The following GTF2E2 variants were observed in gnomAD, a reference collection of about 807,000 sequenced individuals.
GTF2E2 encodes transcription initiation factor IIE subunit beta.
GTF2E2 carries 21 observed loss-of-function variants against 40.5 expected under a neutral mutation model. The ratio of observed to expected loss-of-function variants is 0.52; its 90% CI spans 0.37 to 0.75. The LOEUF is 0.75. Ranked by LOEUF, GTF2E2 falls within the 30% of genes least tolerant of loss-of-function variation. GTF2E2 has a pLI of 0.00. For synonymous variants in GTF2E2, 117 were observed against 121.6 expected, an observed-to-expected ratio of 0.96 and a Z score of 0.25; for missense variants, 298 against 338.4, an observed-to-expected ratio of 0.88 and a Z score of 0.94.
At chr8:30,634,277 G>A (rs891736403) in intron 3 of GTF2E2, among the ~76,000 whole-genome samples, 8 of 151,952 alleles carry the variant, frequency 5.3e-5, no homozygotes, top group African/African-American at 7.2e-5. Context: ...GTGAGACTTC[G>A]TCTCTTCTAA....
At chr8:30,626,858 C>T (rs971828425) in intron 3 of GTF2E2, among the ~76,000 whole-genome samples, 1 of 152,172 alleles carries the variant, frequency 6.6e-6, no homozygotes, top group Non-Finnish European at 1.5e-5. Context: ...TTTATGACTC[C>T]AGCAAAAGTG....
Position 30,613,848 on chromosome 8 carries a change from C to T in GTF2E2, c.366+760G>A, listed in dbSNP as rs948838491. On this transcript the variant is annotated intron_variant, in intron 4 of 7. Transcript: ENST00000355904. Reference sequence around the variant, plus strand: ...CGGTAAACATTTGAATTTTTAAATGCTATTCATTTCCAAATTAGCATGGTC... The same window carrying T: ...CGGTAAACATTTGAATTTTTAAATGTTATTCATTTCCAAATTAGCATGGTC... 3.3e-5 allele frequency among the ~76,000 whole-genome samples: 5 copies of T among 152,152 alleles called. No homozygotes were observed. In the South Asian group the frequency reaches 8.3e-4, roughly 25 times the overall value.
intron 3 of GTF2E2, among the ~76,000 whole-genome samples, chr8:30,629,100 A>T (rs1047049746): frequency 5.5e-4 from 83 of 152,202 alleles, no homozygotes; most frequent in Non-Finnish European, 1.0e-3. Context: ...CTATGGACAT[A>T]TATATTCATA....
chr8:30,601,593 A>C (rs1829182914), intron 6 of GTF2E2, among the ~76,000 whole-genome samples: 2 of 152,224 alleles, frequency 1.3e-5, no homozygotes, highest in South Asian at 4.1e-4. Context: ...CAAGGTCGAA[A>C]GCCCTGCTTA....
intron 1 of GTF2E2, among the ~76,000 whole-genome samples, chr8:30,654,220 T>C (rs1586014802): frequency 6.6e-6 from 1 of 152,194 alleles, no homozygotes; most frequent in Admixed American, 6.5e-5. Flanking sequence ...CTAGTTAAAA[T>C]TGAGATGGAC....
At chr8:30,586,196 T>C (rs533749693) in intron 6 of GTF2E2, among the ~76,000 whole-genome samples, 11 of 152,338 alleles carry the variant, frequency 7.2e-5, no homozygotes, top group African/African-American at 2.6e-4. Flanking sequence ...AAAAGTGTCA[T>C]TATATCCACT....
intron 3 of GTF2E2, among the ~76,000 whole-genome samples, chr8:30,630,760 C>T (rs926115991): frequency 6.6e-6 from 1 of 152,108 alleles, no homozygotes; most frequent in Non-Finnish European, 1.5e-5. Flanking sequence ...ACTGAGGTGC[C>T]GTAAACTATC....
intron 3 of GTF2E2, among the ~76,000 whole-genome samples, chr8:30,620,247 CACACACACACAA>C (rs1801050643): frequency 6.6e-6 from 1 of 151,540 alleles, no homozygotes; most frequent in African/African-American, 2.4e-5. Context: ...CAAACACACA[CACACACACACAA>C]ACACACACAC....
intron 3 of GTF2E2, among the ~76,000 whole-genome samples, chr8:30,628,326 C>T (rs1278344665): frequency 6.6e-6 from 1 of 152,058 alleles, no homozygotes; most frequent in Non-Finnish European, 1.5e-5. Context: ...GAGATCCTTC[C>T]TGGGGAGTAG....
At chr8:30,581,434 C>T (rs1164343513) in intron 6 of GTF2E2, among the ~76,000 whole-genome samples, 1 of 152,164 alleles carries the variant, frequency 6.6e-6, no homozygotes, top group Admixed American at 6.5e-5. Flanking sequence ...TTCCCCCTTT[C>T]TCTCTCATTT....
chr8:30,651,040 A>C (rs977548155), intron 2 of GTF2E2, among the ~76,000 whole-genome samples: 3 of 151,950 alleles, frequency 2.0e-5, no homozygotes, highest in African/African-American at 4.8e-5. Context: ...CCTCTCAACA[A>C]ACTAGAAATA....
chr8:30,598,074 T>C (rs568868096), intron 6 of GTF2E2, among the ~76,000 whole-genome samples: 3 of 152,350 alleles, frequency 2.0e-5, no homozygotes, highest in South Asian at 2.1e-4. Context: ...GAAAACTGTA[T>C]CCATTTCTTT....
At chr8:30,583,386 T>C (rs898173082) in intron 6 of GTF2E2, among the ~76,000 whole-genome samples, 3 of 128,776 alleles carry the variant, frequency 2.3e-5, no homozygotes, top group African/African-American at 1.5e-4. Flanking sequence ...TTCAGTTCAC[T>C]GTTTGTTTGT....
At chr8:30,593,152 T>C (rs550807841) in intron 6 of GTF2E2, among the ~76,000 whole-genome samples, 230 of 152,180 alleles carry the variant, frequency 1.5e-3, no homozygotes, top group Middle Eastern at 3.4e-3. Context: ...GATCACACCA[T>C]TGCACTCCAA....
At chr8:30,600,240 C>T (rs149873090) in intron 6 of GTF2E2, among the ~76,000 whole-genome samples, 1,667 of 152,310 alleles carry the variant, frequency 0.011, 18 homozygotes, top group Non-Finnish European at 0.017. Flanking sequence ...GCTTTCTTTG[C>T]TATCTGTTTA....
chr8:30,633,531 T>C (rs1193218402), intron 3 of GTF2E2, among the ~76,000 whole-genome samples: 1 of 152,210 alleles, frequency 6.6e-6, no homozygotes, highest in African/African-American at 2.4e-5. Flanking sequence ...CTTAAATATG[T>C]ACAAAGGGGT....
chr8:30,655,257 T>C (rs1802416897), intron 1 of GTF2E2, among the ~76,000 whole-genome samples: 2 of 151,414 alleles, frequency 1.3e-5, no homozygotes, highest in African/African-American at 4.9e-5. Context: ...TTGAGGCAAC[T>C]TCTATGTTGT....
rs551711338 is a variant in GTF2E2 at position 30,590,728 on chromosome 8, T to C, written c.644-10332A>G. Among the ~76,000 whole-genome samples the C allele has an allele frequency of 4.6e-5, 7 of 151,928 alleles. No homozygotes were observed. The East Asian group carries it at 1.4e-3, about 29-fold the overall frequency. ...TTTTTTGAGACAGAGTTGCACTCTG[T>C]CACCCAGGCTGGAGTGCAGTGGCGC... On this transcript the variant is annotated intron_variant, in intron 6 of 7. Transcript: ENST00000355904.
intron 3 of GTF2E2, among the ~76,000 whole-genome samples, chr8:30,622,814 T>G (rs1483060731): frequency 2.6e-5 from 4 of 152,136 alleles, no homozygotes; most frequent in Non-Finnish European, 5.9e-5. Flanking sequence ...GAAATATGGC[T>G]CTGTTCCACC....
Sources: gnomAD v4.1 joint callset for allele counts (sites outside exome capture counted in the v4.1 genomes callset) on GRCh38, gnomAD v4.1.1 for gene constraint, MANE v1.5 for transcripts, NCBI Gene and HGNC (gene_info 2026-07-23, HGNC 2026-07-21) for gene names.